The following SRPK1 variants were observed in gnomAD, a reference collection of about 807,000 sequenced individuals.
The protein encoded by SRPK1 is SFRS protein kinase 1.
A neutral mutation model predicts 89.5 loss-of-function variants in SRPK1; 52 were observed. The observed-to-expected ratio is 0.58, with a 90% CI of 0.46 to 0.73. The LOEUF (loss-of-function observed/expected upper bound fraction) is 0.73, where lower values mean the gene tolerates loss of function less well. Among genes scored for constraint, SRPK1 ranks in the 30% least tolerant of loss-of-function variants. SRPK1 has a pLI of 0.00. For synonymous variants in SRPK1, 255 were observed against 270.2 expected (o/e 0.94, Z 0.55); for missense variants, 603 against 780.6 (o/e 0.77, Z 2.71).
intron 12 of SRPK1, among the ~76,000 whole-genome samples, chr6:35,865,795 A>T (rs1397191509): frequency 1.3e-5 from 2 of 152,184 alleles, no homozygotes; most frequent in Non-Finnish European, 2.9e-5. Flanking sequence ...TCAACCCAAG[A>T]CCAATTAAAG....
chr6:35,871,907 A>AT (rs369647114), intron 8 of SRPK1, among the ~76,000 whole-genome samples: 2,414 of 152,078 alleles, frequency 0.016, 26 homozygotes, highest in Middle Eastern at 0.038. Context: ...TGCCTGGCTA[A>AT]TTTTTTTAAT....
Position 35,899,729 on chromosome 6 carries a change from C to T in SRPK1, c.75-8716G>A, listed in dbSNP as rs577305317. Reference sequence around the variant, plus strand: ...AGAAAGATTCCTTTGGGGCCGGGCACGGTGGCTCATGCCTGTAATCCCAGA... The same window carrying T: ...AGAAAGATTCCTTTGGGGCCGGGCATGGTGGCTCATGCCTGTAATCCCAGA... On this transcript the variant is annotated intron_variant, in intron 2 of 15. Transcript: ENST00000373825. 1.6e-4 allele frequency among the ~76,000 whole-genome samples: 25 copies of T among 152,158 alleles called. No homozygotes were observed. The East Asian group carries it at 4.4e-3, about 27-fold the overall frequency.
intron 13 of SRPK1, chr6:35,856,898 G>C (rs1769677436): frequency 5.8e-6 from 1 of 171,072 alleles, no homozygotes; most frequent in East Asian, 1.6e-4. Context: ...ACAAAATGAA[G>C]CAGTTTCCAG....
intron 2 of SRPK1, among the ~76,000 whole-genome samples, chr6:35,903,573 A>T (rs1400092270): frequency 1.3e-5 from 2 of 152,278 alleles, no homozygotes; most frequent in South Asian, 4.1e-4. Context: ...CAAAATGCCT[A>T]GGCCTCTATG....
In SRPK1 at chr6:35,908,272, G is replaced by A. The variant is rs1296952292; in HGVS notation, c.74+12196C>T. ...TTGGAGGAGGGCTCAGAAGAAAACA[G>A]TAAGATGTAGCAAAGTTTGGAGCTT... On this transcript the variant is annotated intron_variant, in intron 2 of 15. Coordinates refer to ENST00000373825, the MANE Select transcript of SRPK1 (RefSeq NM_003137.5). 2.0e-5 allele frequency among the ~76,000 whole-genome samples: 3 copies of A among 152,344 alleles called. No individual in the cohort carries two copies. The East Asian group carries it at 5.8e-4, about 29-fold the overall frequency.
At chr6:35,880,927 A>G (rs1484771804) in intron 6 of SRPK1, among the ~76,000 whole-genome samples, 1 of 151,944 alleles carries the variant, frequency 6.6e-6, no homozygotes, top group East Asian at 1.9e-4. Context: ...AAAGATTAAG[A>G]GGGAATCTTG....
At chr6:35,839,788 TTG>T (rs1328904156) in intron 14 of SRPK1, among the ~76,000 whole-genome samples, 1 of 152,100 alleles carries the variant, frequency 6.6e-6, no homozygotes, top group African/African-American at 2.4e-5. Context: ...CCAGTGATTC[TTG>T]TGTCTCAGCC....
intron 13 of SRPK1, among the ~76,000 whole-genome samples, chr6:35,847,824 TTTTTA>T (rs1477306807): frequency 2.0e-5 from 3 of 152,146 alleles, no homozygotes; most frequent in South Asian, 2.1e-4. Context: ...GGAAGATTTA[TTTTTA>T]TTTTATTTTT....
chr6:35,880,735 G>GAAAAAAAAAAAAAAAA (rs1238876364), intron 6 of SRPK1, among the ~76,000 whole-genome samples: 85 of 26,904 alleles, frequency 3.2e-3, no homozygotes, highest in Non-Finnish European at 3.7e-3. Context: ...AAAAAAAAAA[G>GAAAAAAAAAAAAAAAA]AAAAAAAAAA....
chr6:35,837,868 CTT>C (rs796327113), intron 15 of SRPK1, among the ~76,000 whole-genome samples: 15 of 137,902 alleles, frequency 1.1e-4, no homozygotes, highest in East Asian at 2.1e-4. Flanking sequence ...CCAGTCTCTG[CTT>C]TTTTTTTTTT....
intron 6 of SRPK1, among the ~76,000 whole-genome samples, chr6:35,884,397 A>G (rs1770360843): frequency 2.0e-5 from 3 of 152,206 alleles, no homozygotes; most frequent in Admixed American, 6.5e-5. Context: ...GAGAAACGAT[A>G]GTGGTCCAGA....
In SRPK1 at chr6:35,912,680, A is replaced by G. The variant is rs140381251; in HGVS notation, c.74+7788T>C. The stretch of plus-strand genomic sequence containing the variant: ...CCCCAAACTAGTAACAGTGATAGAG[A>G]GGATTTGGAGAGCATGAGCAAAAGA... On this transcript the variant is annotated intron_variant, in intron 2 of 15. Transcript: ENST00000373825. Among the ~76,000 whole-genome samples, 31 of 152,310 alleles carry G rather than the reference A, an allele frequency of 2.0e-4. No homozygotes were observed. The East Asian group carries it at 5.8e-3, about 28-fold the overall frequency.
At chr6:35,906,675 G>A (rs766980403) in intron 2 of SRPK1, among the ~76,000 whole-genome samples, 1 of 152,166 alleles carries the variant, frequency 6.6e-6, no homozygotes, top group Non-Finnish European at 1.5e-5. Context: ...GGGAGTCAAG[G>A]GGTATGACTG....
chr6:35,881,518 A>C (rs1046047882), intron 6 of SRPK1, among the ~76,000 whole-genome samples: 3 of 152,152 alleles, frequency 2.0e-5, no homozygotes, highest in African/African-American at 7.2e-5. Context: ...CTCACTTTAG[A>C]TCCAAAGACA....
intron 12 of SRPK1, among the ~76,000 whole-genome samples, chr6:35,867,064 T>C (rs1157309437): frequency 6.6e-6 from 1 of 152,140 alleles, no homozygotes; most frequent in East Asian, 1.9e-4. Flanking sequence ...CAATGTGCAC[T>C]GTTCCAGTGA....
At chr6:35,883,879 C>T (rs943790806) in intron 6 of SRPK1, among the ~76,000 whole-genome samples, 2 of 151,802 alleles carry the variant, frequency 1.3e-5, no homozygotes, top group Non-Finnish European at 2.9e-5. Flanking sequence ...GGACTACAGG[C>T]GCCTGCCACC....
rs113305636 is a variant in SRPK1 at position 35,921,038 on chromosome 6, G to A, written c.13+6C>T. On this transcript the variant is annotated splice_donor_region_variant and intron_variant, in intron 1 of 15. Transcript: ENST00000373825. ...CCCTCGTGGCGGAGGCCGCTCCACC[G>A]CTCACCTTTCCGCTCCATGGTGAGA... The A allele has an allele frequency of 0.013, 20,750 of 1,545,296 alleles. 194 individuals are homozygous for A. The highest frequency in any genetic ancestry group is 0.019 in the African/African-American group (1,351 of 70,662).
At chr6:35,836,783 ATAAT>A (rs377386221) in intron 15 of SRPK1, among the ~76,000 whole-genome samples, 1 of 149,808 alleles carries the variant, frequency 6.7e-6, no homozygotes, top group Non-Finnish European at 1.5e-5. Flanking sequence ...AATAATAATA[ATAAT>A]TTTTTTTAAA....
chr6:35,868,685 T>C (rs1305160574), intron 12 of SRPK1, among the ~76,000 whole-genome samples: 5 of 152,160 alleles, frequency 3.3e-5, no homozygotes, highest in South Asian at 2.1e-4. Context: ...AGTATGAACA[T>C]AGGCACTGAG....
Sources: gnomAD v4.1 joint callset for allele counts (sites outside exome capture counted in the v4.1 genomes callset) on GRCh38, gnomAD v4.1.1 for gene constraint, MANE v1.5 for transcripts, NCBI Gene and HGNC (gene_info 2026-07-23, HGNC 2026-07-21) for gene names.